Variants in PHC3 observed in about 807,000 individuals in gnomAD.
PHC3 encodes polyhomeotic homolog 3, also known as polyhomeotic-like protein 3.
Under a neutral mutation model 107.4 loss-of-function variants are expected in PHC3, and 13 were observed. That is an observed-to-expected ratio of 0.12 (90% confidence interval 0.08 to 0.19). The LOEUF is 0.19. Ranked by LOEUF, PHC3 falls within the 10% of genes least tolerant of loss-of-function variation. PHC3 has a pLI of 1.00. For missense variants in PHC3, 992 were observed against 1,210.9 expected, an observed-to-expected ratio of 0.82 and a Z score of 2.68; for synonymous variants, 456 against 427.4, an observed-to-expected ratio of 1.07 and a Z score of -0.83.
Position 170,136,562 on chromosome 3 carries a change from T to C in PHC3, c.776A>G (p.His259Arg), listed in dbSNP as rs1723105074. The C allele has an allele frequency of 1.2e-6, 2 of 1,613,628 alleles. No homozygotes were observed. Among genetic ancestry groups the C allele is most frequent in the Non-Finnish European group, 8.5e-7 (1 of 1,179,792 alleles). Reference sequence around the variant, plus strand: ...AGAACTGGTCACTGTTGTTTTGTTATGACAAATTGTCAATGACTGAGTTTG... The same window carrying C: ...AGAACTGGTCACTGTTGTTTTGTTACGACAAATTGTCAATGACTGAGTTTG... ...TSQTQSLTIC[H>R]NKTTVTSSKI... The change falls in exon 7 of 15, where the codon CAT becomes CGT. Residue 259 changes from histidine (H) to arginine (R), a missense_variant. His to Arg is a conservative substitution (Grantham distance 29). This residue lies in a region of PHC3 where 543 missense variants were observed against 590.8 expected (regional missense o/e 0.92). Coordinates refer to ENST00000495893, the MANE Select transcript of PHC3 (RefSeq NM_024947.4).
At chr3:170,107,857 C>T (rs77238713) in intron 11 of PHC3, among the ~76,000 whole-genome samples, 2,372 of 152,142 alleles carry the variant, frequency 0.016, 67 homozygotes, top group African/African-American at 0.054. Context: ...CCCGGGTACT[C>T]GGCAGGAGTC....
At chr3:170,173,437 C>T (rs1729932633) in intron 2 of PHC3, among the ~76,000 whole-genome samples, 1 of 152,086 alleles carries the variant, frequency 6.6e-6, no homozygotes, top group African/African-American at 2.4e-5. Flanking sequence ...GATAAAACTT[C>T]GTAGAATTCA....
At chr3:170,177,033 C>T (rs1730590572) in intron 2 of PHC3, 2 of 329,334 alleles carry the variant, frequency 6.1e-6, no homozygotes, top group Non-Finnish European at 1.2e-5. Flanking sequence ...TAAATGTTAA[C>T]TAAGTAAACT....
Position 170,165,490 on chromosome 3 carries a change from T to C in PHC3, c.414+5883A>G, listed in dbSNP as rs188348152. Among the ~76,000 whole-genome samples the C allele has an allele frequency of 8.5e-4, 129 of 152,128 alleles. 2 individuals carry two copies. The East Asian group carries it at 0.023, about 27-fold the overall frequency. ...GATGAAGGCTGGGCACAGTGGCTCA[T>C]GCTTGTAATCCCAGCACTTTGGGAG... On this transcript the variant is annotated intron_variant, in intron 4 of 14. Coordinates refer to ENST00000495893, the MANE Select transcript of PHC3 (RefSeq NM_024947.4).
chr3:170,128,529 TGC>T, intron 8 of PHC3, 153 bp downstream of exon 8: 1 of 1,120,932 alleles, frequency 8.9e-7, no homozygotes, highest in Non-Finnish European at 1.2e-6. Flanking sequence ...TTTTTTTTTT[TGC>T]CCATACAGCA....
intron 12 of PHC3, among the ~76,000 whole-genome samples, chr3:170,104,017 C>CTG (rs1715988507): frequency 6.6e-6 from 1 of 152,144 alleles, no homozygotes; most frequent in African/African-American, 2.4e-5. Flanking sequence ...TTGTAGTGAG[C>CTG]TGTGATAGCG....
At chr3:170,104,531 C>T (rs577343112) in intron 12 of PHC3, among the ~76,000 whole-genome samples, 8 of 152,228 alleles carry the variant, frequency 5.3e-5, no homozygotes, top group Admixed American at 5.2e-4. Flanking sequence ...CCTCAGCCTC[C>T]CAAAGTGCTG....
chr3:170,122,801 G>C, intron 8 of PHC3, 57 bp from the exon 9 acceptor site: 1 of 1,558,622 alleles, frequency 6.4e-7, no homozygotes. Flanking sequence ...TTTATCAGGT[G>C]TTCTTAATTT....
At chr3:170,178,487 G>C (rs1730882334) in intron 2 of PHC3, among the ~76,000 whole-genome samples, 1 of 152,168 alleles carries the variant, frequency 6.6e-6, no homozygotes, top group Non-Finnish European at 1.5e-5. Context: ...TTGCTCTCTA[G>C]TCTTCCACCA....
At chr3:170,158,787 T>C (rs1727336025) in intron 4 of PHC3, among the ~76,000 whole-genome samples, 1 of 150,352 alleles carries the variant, frequency 6.7e-6, no homozygotes, top group Non-Finnish European at 1.5e-5. Context: ...ATTAGTCAGG[T>C]GTGGTGGCAC....
In PHC3 at chr3:170,143,218, A is replaced by C. The variant is rs370504993; in HGVS notation, c.672+2205T>G. Among the ~76,000 whole-genome samples, 11 of 152,306 alleles carry C rather than the reference A, an allele frequency of 7.2e-5. 1 individual carries two copies. The South Asian group carries it at 2.3e-3, about 32-fold the overall frequency. On this transcript the variant is annotated intron_variant, in intron 6 of 14. Coordinates refer to ENST00000495893, the MANE Select transcript of PHC3 (RefSeq NM_024947.4). The stretch of plus-strand genomic sequence containing the variant: ...AAATAAATCAATCAATTAATTTAAA[A>C]AGATGATCATTACTTCAACATATTC...
intron 4 of PHC3, among the ~76,000 whole-genome samples, chr3:170,155,497 G>A (rs1295556659): frequency 6.6e-6 from 1 of 152,198 alleles, no homozygotes; most frequent in Non-Finnish European, 1.5e-5. Context: ...GAGACAGGTG[G>A]ATAGCTTGAG....
chr3:170,138,167 T>G (rs1436423435), intron 6 of PHC3, among the ~76,000 whole-genome samples: 1 of 151,854 alleles, frequency 6.6e-6, no homozygotes, highest in African/African-American at 2.4e-5. Context: ...TGCCCACAAG[T>G]CTGGGTGACA....
In PHC3 at chr3:170,170,733, T is replaced by C. The variant is rs960784193; in HGVS notation, c.414+640A>G. The C allele has an allele frequency of 1.1e-4, 16 of 151,628 alleles. 1 individual carries two copies. The highest frequency in any genetic ancestry group is 1.5e-5 in the Non-Finnish European group (1 of 67,990). 9.4% of individuals were successfully genotyped at this position (151,628 alleles called of 1,614,324 possible). On this transcript the variant is annotated intron_variant, in intron 4 of 14. Coordinates refer to ENST00000495893, the MANE Select transcript of PHC3 (RefSeq NM_024947.4). ...CAATAATTGATTAATCTGAGTAGAG[T>C]AGATACAGAAATTTTTTTATTATTA...
chr3:170,126,591 G>A (rs1721337683), intron 8 of PHC3, among the ~76,000 whole-genome samples: 1 of 146,336 alleles, frequency 6.8e-6, no homozygotes, highest in Admixed American at 7.0e-5. Flanking sequence ...ACCCAGGCTG[G>A]AGTGCAGTGG....
At chr3:170,129,682 A>G (rs1439277416) in intron 7 of PHC3, 130 bp from the exon 8 acceptor site, 9 of 1,071,810 alleles carry the variant, frequency 8.4e-6, no homozygotes, top group Non-Finnish European at 1.1e-5. Context: ...TTTTCCAAAC[A>G]AGAGTAATTT....
At chr3:170,104,802 G>A (rs78613103) in intron 12 of PHC3, among the ~76,000 whole-genome samples, 2,816 of 152,072 alleles carry the variant, frequency 0.019, 95 homozygotes, top group African/African-American at 0.065. Flanking sequence ...AAAACAATTC[G>A]AGATCCTGCT....
intron 10 of PHC3, among the ~76,000 whole-genome samples, chr3:170,114,151 G>A (rs564961212): frequency 1.1e-4 from 16 of 152,028 alleles, no homozygotes; most frequent in African/African-American, 3.6e-4. Context: ...CTGGGATTAC[G>A]GGCATGTGCC....
At chr3:170,180,791 G>C (rs1401509446) in intron 1 of PHC3, among the ~76,000 whole-genome samples, 1 of 152,032 alleles carries the variant, frequency 6.6e-6, no homozygotes, top group Non-Finnish European at 1.5e-5. Context: ...CAAACAGTAT[G>C]GTAAACAGTT....
Sources: allele counts gnomAD v4.1 joint callset (sites outside exome capture counted in the v4.1 genomes callset), GRCh38; gene constraint gnomAD v4.1.1; regional missense constraint gnomAD v4.1.1; transcripts MANE v1.5; gene names NCBI Gene and HGNC (gene_info 2026-07-23, HGNC 2026-07-21).